Variants in FARP1 observed in about 807,000 individuals in gnomAD.
The protein encoded by FARP1 is FERM, ARHGEF and pleckstrin domain-containing protein 1.
FARP1 carries 52 observed loss-of-function variants against 128.8 expected under a neutral mutation model. The observed-to-expected ratio is 0.40, with a 90% CI of 0.32 to 0.51. The LOEUF (loss-of-function observed/expected upper bound fraction) is 0.51. FARP1 is among the 20% of genes least tolerant of loss of function. The probability of loss-of-function intolerance (pLI) is 0.45; values close to 1 mark genes in which losing one functional copy is unlikely to be tolerated. For missense variants in FARP1, 1,333 were observed against 1,367.9 expected, an observed-to-expected ratio of 0.97 and a Z score of 0.40; for synonymous variants, 580 against 551.8, an observed-to-expected ratio of 1.05 and a Z score of -0.72.
intron 3 of FARP1, among the ~76,000 whole-genome samples, chr13:98,346,149 T>G (rs987793404): frequency 2.6e-5 from 4 of 152,170 alleles, no homozygotes; most frequent in African/African-American, 7.2e-5. Context: ...TGACTCTCTG[T>G]TAATTACTGA....
At chr13:98,344,383 G>T (rs1387938148) in intron 3 of FARP1, among the ~76,000 whole-genome samples, 1 of 152,098 alleles carries the variant, frequency 6.6e-6, no homozygotes, top group Non-Finnish European at 1.5e-5. Flanking sequence ...TGGAGGAGAG[G>T]GCTTGGAGTG....
In FARP1 at chr13:98,450,988, TTGCTCTACGGGGGAAGGGGCTGAGTA is replaced by T. The variant is rs1282072026; in HGVS notation, c.*2674_*2699del. ...CAGTCAACTCTAAAAGAACCACTTG[TTGCTCTACGGGGGAAGGGGCTGAGTA>T]TGATTTGTCTGGCGACTGCAGAGAC... On this transcript the variant is annotated 3_prime_UTR_variant, in exon 27 of 27. Coordinates refer to ENST00000319562, the MANE Select transcript of FARP1 (RefSeq NM_005766.4). The T allele has an allele frequency of 1.3e-5, 2 of 152,234 alleles. No individual in the cohort carries two copies. The highest frequency in any genetic ancestry group is 2.9e-5 in the Non-Finnish European group (2 of 68,060). The allele number at this position is 152,234 out of a possible 1,614,324, so 9.4% of individuals were successfully genotyped here.
At chr13:98,352,557 A>G (rs115100754) in intron 3 of FARP1, among the ~76,000 whole-genome samples, 3,575 of 152,306 alleles carry the variant, frequency 0.023, 129 homozygotes, top group African/African-American at 0.078. Context: ...GAAACAATAG[A>G]CAAGGAAGCT....
chr13:98,145,797 G>C (rs377681345), intron 1 of FARP1, among the ~76,000 whole-genome samples: 1 of 150,738 alleles, frequency 6.6e-6, no homozygotes, highest in Non-Finnish European at 1.5e-5. Context: ...AGGAGGCGGA[G>C]GTTGTAGTGA....
intron 1 of FARP1, among the ~76,000 whole-genome samples, chr13:98,163,513 AAAATC>A (rs1296718750): frequency 4.6e-5 from 7 of 151,912 alleles, no homozygotes; most frequent in Admixed American, 3.3e-4. Flanking sequence ...GCCATTTAGG[AAAATC>A]AAATCAAATC....
chr13:98,233,828 T>A (rs576280018), intron 2 of FARP1: 1 of 152,322 alleles, frequency 6.6e-6, no homozygotes, highest in South Asian at 2.1e-4. Flanking sequence ...AGGCTCGGAT[T>A]TTCCCCTGAA....
intron 1 of FARP1, among the ~76,000 whole-genome samples, chr13:98,182,059 ACT>A (rs761052218): frequency 8.5e-4 from 128 of 150,418 alleles, no homozygotes; most frequent in Non-Finnish European, 1.4e-3. Flanking sequence ...AGTTTGTGAG[ACT>A]CTCTCCTTTG....
chr13:98,438,326 G>A (rs1365031465), intron 19 of FARP1, among the ~76,000 whole-genome samples: 3 of 152,080 alleles, frequency 2.0e-5, no homozygotes. Context: ...GGTCCTCAAG[G>A]GTCCCTTGCT....
intron 3 of FARP1, 76 bp downstream of exon 3, chr13:98,343,942 A>G: frequency 1.1e-6 from 1 of 934,126 alleles, no homozygotes. Context: ...GGCCAGTCTA[A>G]ATGATTGTGA....
At chr13:98,187,850 A>G (rs1452759290) in intron 1 of FARP1, among the ~76,000 whole-genome samples, 2 of 152,184 alleles carry the variant, frequency 1.3e-5, no homozygotes, top group East Asian at 1.9e-4. Context: ...TTCTGTGACC[A>G]GAGTCTTGTT....
intron 1 of FARP1, among the ~76,000 whole-genome samples, chr13:98,195,944 T>C (rs890403326): frequency 2.0e-5 from 3 of 152,124 alleles, no homozygotes; most frequent in Non-Finnish European, 2.9e-5. Context: ...GAGGATCACT[T>C]GAGCCTGGGA....
intron 14 of FARP1, among the ~76,000 whole-genome samples, chr13:98,410,265 G>T (rs1297431006): frequency 6.6e-6 from 1 of 152,214 alleles, no homozygotes; most frequent in Non-Finnish European, 1.5e-5. Flanking sequence ...GGGAGTTCAG[G>T]CCGATGATGC....
chr13:98,240,006 G>T (rs374917406), intron 2 of FARP1, among the ~76,000 whole-genome samples: 2 of 152,168 alleles, frequency 1.3e-5, no homozygotes, highest in Non-Finnish European at 1.5e-5. Flanking sequence ...GGTGATATCC[G>T]TGGTGATCCC....
rs1469527288 is a variant in FARP1, at chr13:98,393,651, G to C, written c.1097G>C (p.Ser366Thr). ...HKKVQFERKH[S>T]KIHSIRSLAS... ...TGTGTGATTTTTCCCAGGAAGCACA[G>C]CAAGATTCATTCTATCCGGAGCCTT... Residue 366 changes from serine (S) to threonine (T), a missense_variant, in exon 12 of 27, where the codon AGC becomes ACC. Coordinates refer to ENST00000319562, the MANE Select transcript of FARP1 (RefSeq NM_005766.4). 1.2e-6 allele frequency: 2 copies of C among 1,613,450 alleles called. No homozygotes were observed. The highest frequency in any genetic ancestry group is 2.7e-5 in the African/African-American group (2 of 74,918).
chr13:98,161,747 T>TTCCC (rs978345290), intron 1 of FARP1, among the ~76,000 whole-genome samples: 1 of 152,042 alleles, frequency 6.6e-6, no homozygotes, highest in African/African-American at 2.4e-5. Context: ...CTTTCTTTCC[T>TTCCC]TCCCTCCCTC....
chr13:98,395,710 G>A, intron 13 of FARP1: 2 of 459,730 alleles, frequency 4.4e-6, no homozygotes, highest in Non-Finnish European at 7.5e-6. Flanking sequence ...CCCGCACTCT[G>A]CGAAGTCCTC....
chr13:98,217,831 G>T (rs529216691), intron 2 of FARP1, among the ~76,000 whole-genome samples: 1 of 152,166 alleles, frequency 6.6e-6, no homozygotes, highest in South Asian at 2.1e-4. Flanking sequence ...ATCCTACGCC[G>T]CAGCGGTGCC....
At chr13:98,410,292 C>T (rs554536246) in intron 14 of FARP1, among the ~76,000 whole-genome samples, 33 of 152,230 alleles carry the variant, frequency 2.2e-4, no homozygotes, top group Non-Finnish European at 4.4e-4. Context: ...CTGATCTCAC[C>T]CCTGTCCCTT....
At chr13:98,283,895 C>A (rs572014936) in intron 2 of FARP1, among the ~76,000 whole-genome samples, 1 of 152,282 alleles carries the variant, frequency 6.6e-6, no homozygotes. Flanking sequence ...GGGCAGCTAA[C>A]AAAGAAGGTA....
Sources: gnomAD v4.1 joint callset for allele counts (sites outside exome capture counted in the v4.1 genomes callset) on GRCh38, gnomAD v4.1.1 for gene constraint, MANE v1.5 for transcripts, NCBI Gene and HGNC (gene_info 2026-07-23, HGNC 2026-07-21) for gene names.